The following SLC15A5 variants were observed in gnomAD, a reference collection of about 807,000 sequenced individuals.
SLC15A5 encodes solute carrier family 15 member 5.
SLC15A5 carries 58 observed loss-of-function variants against 56.1 expected under a neutral mutation model. The ratio of observed to expected loss-of-function variants is 1.03; its 90% confidence interval spans 0.84 to 1.29. SLC15A5 has a LOEUF of 1.29. Ranked by LOEUF, SLC15A5 falls within the 50% of genes most tolerant of loss-of-function variation. The pLI is 0.00. For missense variants in SLC15A5, 681 were observed against 672.1 expected (o/e 1.01, Z -0.15); for synonymous variants, 264 against 250.5 (o/e 1.05, Z -0.51).
At chr12:16,227,048 T>G (rs1027164365) in intron 5 of SLC15A5, among the ~76,000 whole-genome samples, 3 of 152,118 alleles carry the variant, frequency 2.0e-5, no homozygotes, top group East Asian at 3.9e-4. Flanking sequence ...ATCTCAGAAT[T>G]TAAATATATT....
chr12:16,206,825 G>C (rs1864024290), intron 7 of SLC15A5, among the ~76,000 whole-genome samples: 1 of 152,196 alleles, frequency 6.6e-6, no homozygotes, highest in Non-Finnish European at 1.5e-5. Flanking sequence ...CAAAATTGTA[G>C]GGAAATTGCT....
At chr12:16,267,739 T>C (rs1369612906) in intron 2 of SLC15A5, among the ~76,000 whole-genome samples, 3 of 66,306 alleles carry the variant, frequency 4.5e-5, no homozygotes, top group African/African-American at 6.2e-5. Context: ...CCACCTTTTT[T>C]TTTTTTTTTT....
chr12:16,217,499 G>C lies in SLC15A5; in HGVS notation c.1352-475C>G, dbSNP rs1471928236. Among the ~76,000 whole-genome samples, 3 of 152,100 alleles carry C rather than the reference G, an allele frequency of 2.0e-5. No homozygotes were observed. In the East Asian group the frequency reaches 5.8e-4, roughly 29 times the overall value. ...AAGATAGTATTAAAATACCATGTCAGCCATCTACTATTTCTGTGATTTTAG... is the reference window on the plus strand; with the variant it reads ...AAGATAGTATTAAAATACCATGTCACCCATCTACTATTTCTGTGATTTTAG... On this transcript the variant is annotated intron_variant, in intron 6 of 8. Coordinates refer to ENST00000344941, the MANE Select transcript of SLC15A5 (RefSeq NM_001170798.1).
chr12:16,238,624 C>T (rs1591651675), intron 5 of SLC15A5, among the ~76,000 whole-genome samples: 2 of 73,368 alleles, frequency 2.7e-5, no homozygotes, highest in South Asian at 5.8e-4. Flanking sequence ...AGCGAGACTC[C>T]GTCTCAAAAA....
intron 7 of SLC15A5, among the ~76,000 whole-genome samples, chr12:16,214,260 T>A (rs571462343): frequency 5.3e-5 from 8 of 152,352 alleles, no homozygotes; most frequent in Non-Finnish European, 1.0e-4. Flanking sequence ...GTTGTGTGAT[T>A]AAAAAATTTG....
intron 5 of SLC15A5, among the ~76,000 whole-genome samples, chr12:16,234,390 C>T (rs1240800288): frequency 6.6e-6 from 1 of 152,160 alleles, no homozygotes; most frequent in Non-Finnish European, 1.5e-5. Context: ...ATTTAAGGAT[C>T]TATGTTTGCT....
chr12:16,224,584 G>A lies in SLC15A5; in HGVS notation c.1181C>T (p.Ala394Val), dbSNP rs2136249626. 6.5e-7 allele frequency: 1 copy of A among 1,527,932 alleles called. No homozygotes were observed. Among genetic ancestry groups the A allele is most frequent in the Non-Finnish European group, 8.8e-7 (1 of 1,142,638 alleles). The allele number at this position is 1,527,932 out of a possible 1,614,324, so 94.6% of individuals were successfully genotyped here. Residue 394 changes from alanine (A) to valine (V), a missense_variant, in exon 6 of 9, where the codon GCT (alanine) becomes GTT (valine). Coordinates refer to ENST00000344941, the MANE Select transcript of SLC15A5 (RefSeq NM_001170798.1). ...STCIIAGNLFAALSVMIAGFF... is the reference protein window; with the variant it reads ...STCIIAGNLFVALSVMIAGFF... ...GCCAGCTATCATCACAGACAATGCA[G>A]CAAAAAGATTTCCAGCAACTGAAGG...
At chr12:16,193,626 C>T (rs1863859960) in intron 8 of SLC15A5, among the ~76,000 whole-genome samples, 1 of 151,924 alleles carries the variant, frequency 6.6e-6, no homozygotes, top group Non-Finnish European at 1.5e-5. Context: ...TGCTTAGTTT[C>T]TGCTTCGTGA....
chr12:16,263,231 A>G (rs1366612992), intron 2 of SLC15A5, among the ~76,000 whole-genome samples: 1 of 152,142 alleles, frequency 6.6e-6, no homozygotes, highest in Non-Finnish European at 1.5e-5. Context: ...GTGGTCTCAG[A>G]TGGAGATGAG....
At chr12:16,251,894 T>C (rs1864522537) in intron 3 of SLC15A5, among the ~76,000 whole-genome samples, 2 of 151,972 alleles carry the variant, frequency 1.3e-5, no homozygotes, top group Admixed American at 6.6e-5. Flanking sequence ...CTGATGAATA[T>C]TGATATAAAA....
chr12:16,230,229 A>G (rs1864282711), intron 5 of SLC15A5, among the ~76,000 whole-genome samples: 1 of 152,232 alleles, frequency 6.6e-6, no homozygotes, highest in Admixed American at 6.5e-5. Context: ...TATTTATCAT[A>G]TAATCTTATT....
chr12:16,211,272 T>C (rs1444120365), intron 7 of SLC15A5, among the ~76,000 whole-genome samples: 1 of 152,208 alleles, frequency 6.6e-6, no homozygotes, highest in Non-Finnish European at 1.5e-5. Context: ...AACTGCAAAT[T>C]CCTGTTTCAA....
chr12:16,189,678 G>T lies in SLC15A5; in HGVS notation c.1730C>A (p.Thr577Lys). 6.6e-7 allele frequency: 1 copy of T among 1,510,528 alleles called. No homozygotes were observed. Among genetic ancestry groups the T allele is most frequent in the Non-Finnish European group, 8.8e-7 (1 of 1,135,056 alleles). The allele number at this position is 1,510,528 out of a possible 1,614,324, so 93.6% of individuals were successfully genotyped here. A position where few individuals can be genotyped will look rare whatever the true frequency, so the allele number is the denominator to read the frequency against. ...GACTCAAACACAGTTTCATAGGGCT[G>T]TCTCCCAAAGATCAATACTTGAAGA... ...EFSSSIDLWE[T>K]AL Residue 577 changes from threonine (T) to lysine (K), a missense_variant, in exon 9 of 9, where the codon ACA (threonine) becomes AAA (lysine). Coordinates refer to ENST00000344941, the MANE Select transcript of SLC15A5 (RefSeq NM_001170798.1).
chr12:16,196,062 GC>G lies in SLC15A5; in HGVS notation c.1484-1610del, dbSNP rs1221222080. ...GTAATCCTGATTATGCTATTAATTT[GC>G]AGTAGCTGTGTGTGTCTTATTTATC... On this transcript the variant is annotated intron_variant, in intron 7 of 8. Coordinates refer to ENST00000344941, the MANE Select transcript of SLC15A5 (RefSeq NM_001170798.1). This position sits in a 1 kb window ranked among gnomAD's most constrained non-coding sequence, Gnocchi z 4.0. Among the ~76,000 whole-genome samples, 3 of 152,164 alleles carry G rather than the reference GC, an allele frequency of 2.0e-5. No homozygotes were observed. The highest frequency in any genetic ancestry group is 3.9e-4 in the East Asian group (2 of 5,168).
At chr12:16,216,763 C>T in intron 7 of SLC15A5, 130 bp downstream of exon 7, 2 of 774,596 alleles carry the variant, frequency 2.6e-6, no homozygotes, top group East Asian at 5.6e-5. Flanking sequence ...TATCTTAATT[C>T]TATCTTAATT....
rs979088568 is a variant in SLC15A5 at position 16,188,487 on chromosome 12, A to G, written c.*1181T>C. 11 of 152,358 alleles carry G rather than the reference A, an allele frequency of 7.2e-5. No individual in the cohort carries two copies. In the East Asian group the frequency reaches 2.1e-3, roughly 29 times the overall value. 9.4% of individuals were successfully genotyped at this position (152,358 alleles called of 1,614,324 possible). On this transcript the variant is annotated 3_prime_UTR_variant, in exon 9 of 9. Transcript: ENST00000344941. Reference sequence around the variant, plus strand: ...TTAAAAATGCGTAGCATACCTAATCAAGTTGAGTAAATCTTTTATTCTACA... The same window carrying G: ...TTAAAAATGCGTAGCATACCTAATCGAGTTGAGTAAATCTTTTATTCTACA...
intron 2 of SLC15A5, among the ~76,000 whole-genome samples, chr12:16,261,115 G>A (rs1429088647): frequency 6.6e-6 from 1 of 151,864 alleles, no homozygotes; most frequent in East Asian, 1.9e-4. Context: ...TATATTTGAA[G>A]TGTGCAATTT....
In SLC15A5 at chr12:16,197,721, C is replaced by G. The variant is rs1592106614; in HGVS notation, c.1484-3268G>C. On this transcript the variant is annotated intron_variant, in intron 7 of 8. Coordinates refer to ENST00000344941, the MANE Select transcript of SLC15A5 (RefSeq NM_001170798.1). ...CCTGAGCTTGATCTTGGGTCTGTCT[C>G]CTATAAGATACTTCTTCATGTTCTG... Among the ~76,000 whole-genome samples the G allele has an allele frequency of 2.0e-5, 3 of 150,626 alleles. No individual in the cohort carries two copies. The Middle Eastern group carries it at 0.01, about 512-fold the overall frequency.
At chr12:16,240,723 C>A (rs558374720) in intron 4 of SLC15A5, among the ~76,000 whole-genome samples, 1 of 152,278 alleles carries the variant, frequency 6.6e-6, no homozygotes, top group South Asian at 2.1e-4. Context: ...GATATCAGAA[C>A]CAAGGGATGA....
Sources: allele counts gnomAD v4.1 joint callset (sites outside exome capture counted in the v4.1 genomes callset), GRCh38; gene constraint gnomAD v4.1.1; non-coding constraint Gnocchi (gnomAD v3.1); transcripts MANE v1.5; gene names NCBI Gene and HGNC (gene_info 2026-07-23, HGNC 2026-07-21).